SEMA3E: variants seen among roughly 807,000 people sequenced by gnomAD.
SEMA3E encodes the protein semaphorin-3E.
A neutral mutation model predicts 93.6 loss-of-function variants in SEMA3E; 49 were observed. The ratio of observed to expected loss-of-function variants is 0.52; its 90% CI spans 0.42 to 0.66. The LOEUF (loss-of-function observed/expected upper bound fraction) is 0.66, where lower values mean the gene tolerates loss of function less well. Ranked by LOEUF, SEMA3E falls within the 30% of genes least tolerant of loss-of-function variation. The pLI is 0.00. For synonymous variants in SEMA3E, 363 were observed against 330.7 expected (o/e 1.10, Z -1.06); for missense variants, 906 against 964.8 (o/e 0.94, Z 0.81).
chr7:83,375,173 T>C (rs1427879058), intron 16 of SEMA3E, among the ~76,000 whole-genome samples: 3 of 152,140 alleles, frequency 2.0e-5, no homozygotes, highest in African/African-American at 7.2e-5. Flanking sequence ...TAAGGAACTG[T>C]ACAACAACTA....
chr7:83,640,760 G>A (rs1399089851), intron 1 of SEMA3E, among the ~76,000 whole-genome samples: 1 of 152,086 alleles, frequency 6.6e-6, no homozygotes, highest in Non-Finnish European at 1.5e-5. Flanking sequence ...AGGTGAGGAA[G>A]AAATCAAAAG....
intron 14 of SEMA3E, 96 bp downstream of exon 14, chr7:83,392,459 G>A: frequency 7.6e-7 from 1 of 1,318,794 alleles, no homozygotes; most frequent in Non-Finnish European, 1.1e-6. Context: ...AATTAATACA[G>A]GTATTTTCTG....
At chr7:83,377,992 G>T (rs1003569484) in intron 16 of SEMA3E, among the ~76,000 whole-genome samples, 2 of 151,838 alleles carry the variant, frequency 1.3e-5, no homozygotes, top group Non-Finnish European at 2.9e-5. Flanking sequence ...CAAGTATGTG[G>T]AATTGCAGAA....
intron 1 of SEMA3E, among the ~76,000 whole-genome samples, chr7:83,501,356 T>G (rs1790593579): frequency 6.6e-6 from 1 of 152,240 alleles, no homozygotes; most frequent in Non-Finnish European, 1.5e-5. Flanking sequence ...CGGTTTTATC[T>G]CAACTCAAAA....
At chr7:83,576,664 T>G (rs1792406786) in intron 1 of SEMA3E, among the ~76,000 whole-genome samples, 1 of 152,168 alleles carries the variant, frequency 6.6e-6, no homozygotes, top group Non-Finnish European at 1.5e-5. Context: ...CTCACTCTGT[T>G]GTCCAGGCTG....
chr7:83,377,523 G>C (rs370897000), intron 16 of SEMA3E, among the ~76,000 whole-genome samples: 3 of 151,936 alleles, frequency 2.0e-5, no homozygotes, highest in East Asian at 3.9e-4. Flanking sequence ...TTTTATTTAC[G>C]ATAGGCAGAG....
intron 1 of SEMA3E, among the ~76,000 whole-genome samples, chr7:83,505,059 T>C (rs1584294663): frequency 6.6e-6 from 1 of 152,344 alleles, no homozygotes; most frequent in South Asian, 2.1e-4. Context: ...GGTTTCTTCA[T>C]GGATTAAGAT....
chr7:83,404,737 C>T (rs564050505), intron 9 of SEMA3E, among the ~76,000 whole-genome samples: 7 of 151,862 alleles, frequency 4.6e-5, no homozygotes, highest in South Asian at 2.1e-4. Context: ...AAATGATGAA[C>T]GTGTTCACTA....
intron 4 of SEMA3E, among the ~76,000 whole-genome samples, chr7:83,456,727 C>T (rs1789488836): frequency 6.6e-6 from 1 of 151,976 alleles, no homozygotes; most frequent in African/African-American, 2.4e-5. Context: ...GATTCTCCTG[C>T]CTCAGCCTCC....
chr7:83,571,533 T>C (rs946735537), intron 1 of SEMA3E, among the ~76,000 whole-genome samples: 1 of 152,090 alleles, frequency 6.6e-6, no homozygotes, highest in African/African-American at 2.4e-5. Context: ...TCTTGCATGA[T>C]AAAAACCCTC....
At chr7:83,504,063 G>T (rs1790648756) in intron 1 of SEMA3E, among the ~76,000 whole-genome samples, 1 of 152,024 alleles carries the variant, frequency 6.6e-6, no homozygotes, top group Non-Finnish European at 1.5e-5. Flanking sequence ...AAAACACACG[G>T]TTTCCAGATA....
chr7:83,489,349 C>T (rs546002816), intron 2 of SEMA3E, among the ~76,000 whole-genome samples: 1 of 151,652 alleles, frequency 6.6e-6, no homozygotes, highest in Non-Finnish European at 1.5e-5. Flanking sequence ...AAATTATTAC[C>T]TCTAGGGATA....
At chr7:83,398,085 G>A (rs1357568423) in intron 11 of SEMA3E, among the ~76,000 whole-genome samples, 1 of 151,998 alleles carries the variant, frequency 6.6e-6, no homozygotes, top group African/African-American at 2.4e-5. Flanking sequence ...TTTCAATGTT[G>A]TACCCATTTC....
chr7:83,425,665 A>G (rs1251561040), intron 4 of SEMA3E, among the ~76,000 whole-genome samples: 1 of 152,184 alleles, frequency 6.6e-6, no homozygotes, highest in Non-Finnish European at 1.5e-5. Context: ...TGCTGCTTTT[A>G]TAGCCTGTGT....
chr7:83,482,323 T>C (rs1037141342), intron 2 of SEMA3E, among the ~76,000 whole-genome samples: 4 of 151,900 alleles, frequency 2.6e-5, no homozygotes, highest in African/African-American at 9.7e-5. Context: ...TCCCGGCACT[T>C]TGGGAGGCCG....
In SEMA3E at chr7:83,367,364, G is replaced by T. The variant is rs540135797; in HGVS notation, c.*222C>A. Reference sequence around the variant, plus strand: ...AGTTGTTTTTTGATAAACATAATGAGAAACCATTAAGCAATGCATTTATTT... The same window carrying T: ...AGTTGTTTTTTGATAAACATAATGATAAACCATTAAGCAATGCATTTATTT... On this transcript the variant is annotated 3_prime_UTR_variant, in exon 17 of 17. Coordinates refer to ENST00000643230, the MANE Select transcript of SEMA3E (RefSeq NM_012431.3). 3 of 510,588 alleles carry T rather than the reference G, an allele frequency of 5.9e-6. No individual in the cohort carries two copies. In the South Asian group the frequency reaches 8.0e-5, roughly 14 times the overall value. 31.6% of individuals were successfully genotyped at this position (510,588 alleles called of 1,614,324 possible).
chr7:83,539,418 T>C (rs1439683533), intron 1 of SEMA3E, among the ~76,000 whole-genome samples: 1 of 152,172 alleles, frequency 6.6e-6, no homozygotes, highest in Non-Finnish European at 1.5e-5. Context: ...AATTACTTTT[T>C]AAATAGACTT....
chr7:83,567,306 C>G (rs556052852), intron 1 of SEMA3E, among the ~76,000 whole-genome samples: 17 of 152,186 alleles, frequency 1.1e-4, no homozygotes, highest in African/African-American at 3.9e-4. Flanking sequence ...ATACAATAAA[C>G]TTTGGGGACT....
chr7:83,536,026 A>C (rs562724171), intron 1 of SEMA3E, among the ~76,000 whole-genome samples: 1 of 152,178 alleles, frequency 6.6e-6, no homozygotes, highest in African/African-American at 2.4e-5. Context: ...ATATACACCA[A>C]TGATGGAATC....
Sources: allele counts gnomAD v4.1 joint callset (sites outside exome capture counted in the v4.1 genomes callset), GRCh38; gene constraint gnomAD v4.1.1; transcripts MANE v1.5; gene names NCBI Gene and HGNC (gene_info 2026-07-23, HGNC 2026-07-21).